TM4SF1: variants seen among roughly 807,000 people sequenced by gnomAD.
The protein encoded by TM4SF1 is transmembrane 4 L six family member 1.
A neutral mutation model predicts 24.5 loss-of-function variants in TM4SF1; 20 were observed. That is an observed-to-expected ratio of 0.82 (90% CI 0.57 to 1.19). The LOEUF is 1.19. Ranked by LOEUF, TM4SF1 falls within the 50% of genes most tolerant of loss-of-function variation. The pLI is 0.00. For missense variants in TM4SF1, 258 were observed against 248.1 expected, an observed-to-expected ratio of 1.04 and a Z score of -0.27; for synonymous variants, 107 against 95.4, an observed-to-expected ratio of 1.12 and a Z score of -0.71.
chr3:149,375,165 A>G (rs950163642), intron 3 of TM4SF1, among the ~76,000 whole-genome samples: 8 of 152,202 alleles, frequency 5.3e-5, no homozygotes, highest in Non-Finnish European at 8.8e-5. Context: ...TGATTGTGCC[A>G]CTGCATTCTA....
chr3:149,371,879 A>G lies in TM4SF1; in HGVS notation c.414-12T>C. The G allele has an allele frequency of 6.2e-7, 1 of 1,613,560 alleles. No homozygotes were observed. The highest frequency in any genetic ancestry group is 1.3e-5 in the African/African-American group (1 of 74,998). On this transcript the variant is annotated splice_polypyrimidine_tract_variant and intron_variant, in intron 3 of 4. Coordinates refer to ENST00000305366, the MANE Select transcript of TM4SF1 (RefSeq NM_014220.3). ...TATCCAGAAGGTACCTGTGGGTAAA[A>G]AGAGAAACTTCTGACACACGGTCAT...
chr3:149,370,075 T>G, intron 4 of TM4SF1, 195 bp from the exon 5 acceptor site: 1 of 567,970 alleles, frequency 1.8e-6, no homozygotes, highest in East Asian at 3.7e-5. Flanking sequence ...TTGTCTTCCA[T>G]GAGTAAAGGC....
chr3:149,371,887 C>T lies in TM4SF1; in HGVS notation c.414-20G>A. 2 of 1,612,776 alleles carry T rather than the reference C, an allele frequency of 1.2e-6. No homozygotes were observed. Among genetic ancestry groups the T allele is most frequent in the Non-Finnish European group, 1.7e-6 (2 of 1,179,284 alleles). ...AGGTACCTGTGGGTAAAAAGAGAAACTTCTGACACACGGTCATACTTGAGG... is the reference window on the plus strand; with the variant it reads ...AGGTACCTGTGGGTAAAAAGAGAAATTTCTGACACACGGTCATACTTGAGG... On this transcript the variant is annotated intron_variant, in intron 3 of 4. Transcript: ENST00000305366.
At chr3:149,376,657 C>T (rs747678895) in intron 1 of TM4SF1, among the ~76,000 whole-genome samples, 1 of 152,112 alleles carries the variant, frequency 6.6e-6, no homozygotes, top group South Asian at 2.1e-4. Flanking sequence ...AAAATTTCTC[C>T]TTAAAATTTT....
At chr3:149,376,192 A>T (rs1731948009) in intron 1 of TM4SF1, among the ~76,000 whole-genome samples, 1 of 152,258 alleles carries the variant, frequency 6.6e-6, no homozygotes, top group African/African-American at 2.4e-5. Flanking sequence ...AATGGGAGAC[A>T]TGAAAGCTAT....
intron 4 of TM4SF1, chr3:149,371,437 G>A (rs944451752): frequency 3.3e-6 from 2 of 597,354 alleles, no homozygotes; most frequent in Non-Finnish European, 5.9e-6. Context: ...GGAGCGCTGT[G>A]TCTATGGGCA....
intron 3 of TM4SF1, among the ~76,000 whole-genome samples, chr3:149,373,014 C>G (rs753025809): frequency 6.6e-6 from 1 of 152,080 alleles, no homozygotes; most frequent in Non-Finnish European, 1.5e-5. Context: ...ATATGCTGAT[C>G]GGTAAACAAA....
In TM4SF1 at chr3:149,376,686, G is replaced by T. The variant is rs527433036; in HGVS notation, c.177+685C>A. ...AAATTTTTAATCCCAGCACTTTAAAGTAGCAAACTTAAGTTTGCTCACATT... is the reference window on the plus strand; with the variant it reads ...AAATTTTTAATCCCAGCACTTTAAATTAGCAAACTTAAGTTTGCTCACATT... On this transcript the variant is annotated intron_variant, in intron 1 of 4. Transcript: ENST00000305366. 1.1e-4 allele frequency among the ~76,000 whole-genome samples: 16 copies of T among 152,220 alleles called. No homozygotes were observed. The East Asian group carries it at 2.9e-3, about 28-fold the overall frequency.
intron 3 of TM4SF1, among the ~76,000 whole-genome samples, chr3:149,372,895 A>T (rs1731863442): frequency 6.6e-6 from 1 of 152,214 alleles, no homozygotes; most frequent in African/African-American, 2.4e-5. Flanking sequence ...TGTGAGTCTG[A>T]CACTGAGCCA....
In TM4SF1 at chr3:149,371,858, C is replaced by T; in HGVS notation, c.423G>A (p.Leu141=). Residue 141 remains leucine (L), a synonymous_variant, in exon 4 of 5, where the codon CTG becomes CTA. Coordinates refer to ENST00000305366, the MANE Select transcript of TM4SF1 (RefSeq NM_014220.3). The stretch of plus-strand genomic sequence containing the variant: ...TGCACTCGGACCATGTGGAGGTATC[C>T]AGAAGGTACCTGTGGGTAAAAAGAG... The part of the protein sequence containing the change: ...TFASTEGQYL[L]DTSTWSECTE... 1 of 1,613,826 alleles carries T rather than the reference C, an allele frequency of 6.2e-7. No homozygotes were observed. The highest frequency in any genetic ancestry group is 8.5e-7 in the Non-Finnish European group (1 of 1,179,964).
chr3:149,376,591 T>C (rs1731960549), intron 1 of TM4SF1, among the ~76,000 whole-genome samples: 1 of 152,248 alleles, frequency 6.6e-6, no homozygotes, highest in Admixed American at 6.5e-5. Flanking sequence ...TAGGTTTAAA[T>C]GTTTTACTAT....
chr3:149,370,090 G>C, intron 4 of TM4SF1: 1 of 499,640 alleles, frequency 2.0e-6, no homozygotes, highest in Non-Finnish European at 3.4e-6. Flanking sequence ...AAAGGCTGCA[G>C]AAAGGGCCCA....
rs554827482 is a variant in TM4SF1, at chr3:149,375,296, C to T, written c.413+147G>A. 4.8e-5 allele frequency: 47 copies of T among 975,750 alleles called. No individual in the cohort carries two copies. The South Asian group carries it at 6.5e-4, about 14-fold the overall frequency. The allele number at this position is 975,750 out of a possible 1,614,324, so 60.4% of individuals were successfully genotyped here. On this transcript the variant is annotated intron_variant, in intron 3 of 4. Transcript: ENST00000305366. ...GGGATCCATCCTTGGATACCTATTG[C>T]CTAAACCATGCCTGAGTCAGTGAGA...
chr3:149,377,505 C>G lies in TM4SF1; in HGVS notation c.43G>C (p.Val15Leu). The G allele has an allele frequency of 6.2e-7, 1 of 1,614,094 alleles. No individual in the cohort carries two copies. Among genetic ancestry groups the G allele is most frequent in the Non-Finnish European group, 8.5e-7 (1 of 1,180,024 alleles). The change falls in exon 1 of 5, where the codon GTG becomes CTG. Residue 15 changes from valine to leucine, a missense_variant. Physicochemically the swap from Val to Leu is conservative, Grantham distance 32. Coordinates refer to ENST00000305366, the MANE Select transcript of TM4SF1 (RefSeq NM_014220.3). ...GCGATGCACAGGAGGGCGAGCCCCA[C>G]CAGAGAATGTCCGATGCATCGTGCA... Reference protein sequence around the residue: ...KCARCIGHSLVGLALLCIAAN... With the variant: ...KCARCIGHSLLGLALLCIAAN...
chr3:149,376,307 G>A (rs1731951506), intron 1 of TM4SF1, among the ~76,000 whole-genome samples: 1 of 152,120 alleles, frequency 6.6e-6, no homozygotes, highest in South Asian at 2.1e-4. Context: ...TCAGGTTCAA[G>A]ATCGAAAGAA....
intron 1 of TM4SF1, among the ~76,000 whole-genome samples, chr3:149,376,533 A>G (rs1731958975): frequency 6.6e-6 from 1 of 152,184 alleles, no homozygotes; most frequent in South Asian, 2.1e-4. Flanking sequence ...ATAAAATCTC[A>G]TTAAATAAAT....
At position 149,375,862 on chromosome 3, in the gene TM4SF1, A is replaced by G. The variant is rs1400551732; in HGVS notation, c.178-93T>C. 1.2e-5 allele frequency: 14 copies of G among 1,191,408 alleles called. No individual in the cohort carries two copies. The South Asian group carries it at 1.4e-4, about 12-fold the overall frequency. The allele number at this position is 1,191,408 out of a possible 1,614,324, so 73.8% of individuals were successfully genotyped here. A position where few individuals can be genotyped will look rare whatever the true frequency, so the allele number is the denominator to read the frequency against. Reference sequence around the variant, plus strand: ...TCTTGGTAAAATATATTTATTTCCAATGACATTAACTGGCTTTGATTAGGT... The same window carrying G: ...TCTTGGTAAAATATATTTATTTCCAGTGACATTAACTGGCTTTGATTAGGT... On this transcript the variant is annotated intron_variant, in intron 1 of 4. Transcript: ENST00000305366.
chr3:149,377,473 ATT>A lies in TM4SF1; in HGVS notation c.73_74del (p.Asn25TyrfsTer49). On this transcript the variant is annotated frameshift_variant, in exon 1 of 5. Transcript: ENST00000305366. LOFTEE classifies it high-confidence loss of function. ...CCCCATTGGGAAAGTAAAGCAAAATATTAGCCGCGATGCACAGGAGGGCGAGC... is the reference window on the plus strand; with the variant it reads ...CCCCATTGGGAAAGTAAAGCAAAATAAGCCGCGATGCACAGGAGGGCGAGC... Reference protein sequence around the residue: ...VGLALLCIAANILLYFPNGET... With the variant: ...VGLALLCIAAXILLYFPNGET... 6.2e-7 allele frequency: 1 copy of A among 1,614,184 alleles called. No individual in the cohort carries two copies. Among genetic ancestry groups the A allele is most frequent in the Non-Finnish European group, 8.5e-7 (1 of 1,180,038 alleles).
rs376521332 is a variant in TM4SF1, at chr3:149,371,898, C to G, written c.414-31G>C. On this transcript the variant is annotated intron_variant, in intron 3 of 4. Transcript: ENST00000305366. ...GGTAAAAAGAGAAACTTCTGACACA[C>G]GGTCATACTTGAGGGGATACTTCAT... 71 of 1,607,450 alleles carry G rather than the reference C, an allele frequency of 4.4e-5. No homozygotes were observed. In the African/African-American group the frequency reaches 7.9e-4, roughly 18 times the overall value.
Sources: gnomAD v4.1 joint callset for allele counts (sites outside exome capture counted in the v4.1 genomes callset) on GRCh38, gnomAD v4.1.1 for gene constraint, MANE v1.5 for transcripts, NCBI Gene and HGNC (gene_info 2026-07-23, HGNC 2026-07-21) for gene names.